LGR5: variants seen among roughly 807,000 people sequenced by gnomAD.
LGR5 encodes the protein leucine-rich repeat-containing G protein-coupled receptor 5.
LGR5 carries 54 observed loss-of-function variants against 76.7 expected under a neutral mutation model. The observed-to-expected ratio is 0.70, with a 90% CI of 0.57 to 0.88. LGR5 has a LOEUF of 0.88. Among genes scored for constraint, LGR5 ranks in the 40% least tolerant of loss-of-function variants. LGR5 has a pLI of 0.00. For missense variants in LGR5, 1,078 were observed against 1,073.3 expected, an observed-to-expected ratio of 1.00 and a Z score of -0.06; for synonymous variants, 406 against 421.9, an observed-to-expected ratio of 0.96 and a Z score of 0.46.
intron 1 of LGR5, among the ~76,000 whole-genome samples, chr12:71,473,977 T>C (rs943388199): frequency 2.6e-5 from 4 of 152,100 alleles, no homozygotes; most frequent in Non-Finnish European, 4.4e-5. Flanking sequence ...GGATGCTGAG[T>C]GTCGAATATT....
chr12:71,457,108 T>A (rs1872513567), intron 1 of LGR5, among the ~76,000 whole-genome samples: 2 of 152,088 alleles, frequency 1.3e-5, no homozygotes, highest in Non-Finnish European at 2.9e-5. Context: ...ATTAAGGAAA[T>A]ATGTAAATCT....
chr12:71,537,588 A>G (rs1164093466), intron 4 of LGR5, among the ~76,000 whole-genome samples: 3 of 152,198 alleles, frequency 2.0e-5, no homozygotes, highest in Non-Finnish European at 4.4e-5. Flanking sequence ...ATACATACAC[A>G]AGGCCAGTTT....
intron 3 of LGR5, among the ~76,000 whole-genome samples, chr12:71,530,718 A>C (rs1439547447): frequency 6.6e-6 from 1 of 152,210 alleles, no homozygotes; most frequent in Non-Finnish European, 1.5e-5. Context: ...CCATTCCATC[A>C]AAGAATGGCT....
intron 1 of LGR5, among the ~76,000 whole-genome samples, chr12:71,481,821 A>C (rs1248952911): frequency 6.6e-6 from 1 of 151,962 alleles, no homozygotes; most frequent in African/African-American, 2.4e-5. Flanking sequence ...TTTTTTTTGA[A>C]ATGTTGCCTG....
intron 1 of LGR5, among the ~76,000 whole-genome samples, chr12:71,461,039 G>C (rs568733882): frequency 6.6e-6 from 1 of 152,206 alleles, no homozygotes; most frequent in Non-Finnish European, 1.5e-5. Flanking sequence ...CACTCTCCTT[G>C]CCACAGCATC....
chr12:71,553,823 G>A (rs1162049763), intron 5 of LGR5, among the ~76,000 whole-genome samples: 1 of 152,194 alleles, frequency 6.6e-6, no homozygotes, highest in Non-Finnish European at 1.5e-5. Context: ...CGGCACAGTG[G>A]CTCATACCTG....
At chr12:71,570,979 A>G (rs1342470237) in intron 11 of LGR5, among the ~76,000 whole-genome samples, 1 of 152,224 alleles carries the variant, frequency 6.6e-6, no homozygotes, top group Non-Finnish European at 1.5e-5. Context: ...TATACTATAA[A>G]TATGTCCAGA....
Position 71,549,344 on chromosome 12 carries a change from A to G in LGR5, c.429-3729A>G, listed in dbSNP as rs1877361875. On this transcript the variant is annotated intron_variant, in intron 4 of 17. Transcript: ENST00000266674. ...GGAGAAGGGGTACAAAGCTTCAGTTAGACAGGATGAATAACTTCTGAAGAG... is the reference window on the plus strand; with the variant it reads ...GGAGAAGGGGTACAAAGCTTCAGTTGGACAGGATGAATAACTTCTGAAGAG... Among the ~76,000 whole-genome samples, 9 of 152,288 alleles carry G rather than the reference A, an allele frequency of 5.9e-5. No homozygotes were observed. In the South Asian group the frequency reaches 1.9e-3, roughly 32 times the overall value.
chr12:71,526,265 G>A (rs866493300), intron 3 of LGR5, among the ~76,000 whole-genome samples: 10 of 152,094 alleles, frequency 6.6e-5, no homozygotes, highest in Admixed American at 1.3e-4. Flanking sequence ...TATCTGATAT[G>A]TACTTTTACC....
In LGR5 at chr12:71,582,518, G is replaced by A; in HGVS notation, c.1615G>A (p.Val539Met). Residue 539 changes from valine (V) to methionine (M), a missense_variant, in exon 17 of 18, where the codon GTG becomes ATG. Val to Met is a conservative substitution (Grantham distance 21). Coordinates refer to ENST00000266674, the MANE Select transcript of LGR5 (RefSeq NM_003667.4). ...FEEDLKALHS[V>M]QCSPSPGPFK... The stretch of plus-strand genomic sequence containing the variant: ...GGAAGACCTGAAAGCCCTTCATTCA[G>A]TGCAGTGTTCACCTTCCCCAGGTGA... 1.2e-6 allele frequency: 2 copies of A among 1,613,896 alleles called. No homozygotes were observed. The highest frequency in any genetic ancestry group is 1.7e-6 in the Non-Finnish European group (2 of 1,179,822).
chr12:71,582,382 G>A, intron 16 of LGR5, 74 bp from the exon 17 acceptor site: 1 of 1,178,804 alleles, frequency 8.5e-7, no homozygotes, highest in Non-Finnish European at 1.3e-6. Flanking sequence ...AATAACCCAG[G>A]ACTCTCCACT....
chr12:71,477,499 A>G (rs909667551), intron 1 of LGR5, among the ~76,000 whole-genome samples: 5 of 147,838 alleles, frequency 3.4e-5, no homozygotes, highest in African/African-American at 1.2e-4. Context: ...TATGTATTAT[A>G]TATGTGATAA....
chr12:71,548,465 GA>G (rs1472565987), intron 4 of LGR5, among the ~76,000 whole-genome samples: 1 of 152,124 alleles, frequency 6.6e-6, no homozygotes, highest in Non-Finnish European at 1.5e-5. Context: ...TCTCAGAACT[GA>G]AATTCACTGA....
At chr12:71,537,145 A>AT (rs1445762025) in intron 4 of LGR5, among the ~76,000 whole-genome samples, 8 of 147,528 alleles carry the variant, frequency 5.4e-5, no homozygotes, top group African/African-American at 2.0e-4. Flanking sequence ...TCTCACTGAT[A>AT]TTTTTTGTGC....
At chr12:71,551,210 C>T (rs1041402859) in intron 4 of LGR5, among the ~76,000 whole-genome samples, 2 of 152,230 alleles carry the variant, frequency 1.3e-5, no homozygotes, top group African/African-American at 2.4e-5. Context: ...TTTGAGGCAT[C>T]GCTTGTTCCT....
At position 71,534,456 on chromosome 12, in the gene LGR5, T is replaced by C. The variant is rs530779011; in HGVS notation, c.357-659T>C. Among the ~76,000 whole-genome samples the C allele has an allele frequency of 5.3e-4, 80 of 152,320 alleles. 1 individual carries two copies. The highest frequency in any genetic ancestry group is 1.9e-3 in the African/African-American group (79 of 41,572). On this transcript the variant is annotated intron_variant, in intron 3 of 17. Coordinates refer to ENST00000266674, the MANE Select transcript of LGR5 (RefSeq NM_003667.4). ...GGAGACAATTTTAGCCTCCTACCAT[T>C]ATCCTTATTTCCATTTGGTGTAACT...
intron 11 of LGR5, among the ~76,000 whole-genome samples, chr12:71,569,902 T>G (rs533184881): frequency 1.3e-5 from 2 of 152,282 alleles, no homozygotes; most frequent in East Asian, 3.9e-4. Context: ...AGACATGGAA[T>G]CAACCCAAAT....
At chr12:71,518,524 T>C (rs921629417) in intron 2 of LGR5, among the ~76,000 whole-genome samples, 2 of 151,432 alleles carry the variant, frequency 1.3e-5, no homozygotes, top group African/African-American at 4.9e-5. Context: ...ATATAAATCA[T>C]TCTATTATAA....
intron 1 of LGR5, among the ~76,000 whole-genome samples, chr12:71,472,815 T>A (rs997672325): frequency 6.6e-6 from 1 of 152,190 alleles, no homozygotes; most frequent in Non-Finnish European, 1.5e-5. Flanking sequence ...ACATCTGACT[T>A]CCATCACTCT....
Sources: allele counts gnomAD v4.1 joint callset (sites outside exome capture counted in the v4.1 genomes callset), GRCh38; gene constraint gnomAD v4.1.1; transcripts MANE v1.5; gene names NCBI Gene and HGNC (gene_info 2026-07-23, HGNC 2026-07-21).